The following METTL15 variants were observed in gnomAD, a reference collection of about 807,000 sequenced individuals.
METTL15 encodes the protein methyltransferase 15, mitochondrial 12S rRNA N4-cytidine.
A neutral mutation model predicts 38.3 loss-of-function variants in METTL15; 34 were observed. The ratio of observed to expected loss-of-function variants is 0.89; its 90% confidence interval spans 0.68 to 1.18. The LOEUF (loss-of-function observed/expected upper bound fraction) is 1.18, where lower values mean the gene tolerates loss of function less well. METTL15 is among the 50% of genes most tolerant of loss of function. The pLI, the probability that METTL15 is intolerant of heterozygous loss-of-function variation, is 0.00. For missense variants in METTL15, 438 were observed against 498.4 expected (o/e 0.88, Z 1.15); for synonymous variants, 162 against 170.9 (o/e 0.95, Z 0.41).
chr11:28,273,452 G>A (rs1476655839), intron 4 of METTL15, among the ~76,000 whole-genome samples: 1 of 151,996 alleles, frequency 6.6e-6, no homozygotes, highest in Non-Finnish European at 1.5e-5. Flanking sequence ...ACAAGGTAAT[G>A]TAGGGTTTGA....
intron 5 of METTL15, among the ~76,000 whole-genome samples, chr11:28,396,192 G>C (rs1850566619): frequency 6.6e-6 from 1 of 152,186 alleles, no homozygotes; most frequent in Admixed American, 6.6e-5. Context: ...ACAAGACAGG[G>C]ATGCCCTCTC....
At chr11:28,391,576 T>G (rs145491439) in intron 5 of METTL15, among the ~76,000 whole-genome samples, 2,478 of 152,226 alleles carry the variant, frequency 0.016, 68 homozygotes, top group African/African-American at 0.055. Flanking sequence ...ACTACAAGGC[T>G]ACAGTAACCA....
intron 4 of METTL15, among the ~76,000 whole-genome samples, chr11:28,234,986 G>A (rs1343998824): frequency 6.6e-6 from 1 of 151,342 alleles, no homozygotes; most frequent in African/African-American, 2.4e-5. Flanking sequence ...TTTTGTATAA[G>A]ATGTAAGGAA....
intron 4 of METTL15, among the ~76,000 whole-genome samples, chr11:28,288,515 A>G (rs1455116381): frequency 6.6e-6 from 1 of 152,188 alleles, no homozygotes; most frequent in East Asian, 1.9e-4. Flanking sequence ...CTTTGCAGGA[A>G]CATGGATGGA....
chr11:28,481,290 C>G (rs1022475363), intron 6 of METTL15, among the ~76,000 whole-genome samples: 2 of 152,134 alleles, frequency 1.3e-5, no homozygotes, highest in East Asian at 3.9e-4. Context: ...CCAGTGAAAC[C>G]CATTTTGGAC....
At chr11:28,391,878 G>A (rs1382469403) in intron 5 of METTL15, among the ~76,000 whole-genome samples, 4 of 152,088 alleles carry the variant, frequency 2.6e-5, no homozygotes, top group Non-Finnish European at 4.4e-5. Context: ...GAAAACCTAC[G>A]CAATACCATT....
chr11:28,517,180 A>G (rs1765523953), intron 6 of METTL15: 1 of 152,218 alleles, frequency 6.6e-6, no homozygotes. Context: ...ATGCCATGAA[A>G]CAAAGAAGCC....
intron 3 of METTL15, among the ~76,000 whole-genome samples, chr11:28,123,397 TCTC>T (rs764980542): frequency 6.6e-6 from 1 of 152,082 alleles, no homozygotes; most frequent in South Asian, 2.1e-4. Flanking sequence ...TCCACTGCCT[TCTC>T]CTCATGTAAC....
intron 6 of METTL15, among the ~76,000 whole-genome samples, chr11:28,470,400 G>A (rs978426680): frequency 3.3e-5 from 5 of 152,062 alleles, no homozygotes; most frequent in Admixed American, 6.6e-5. Flanking sequence ...GAATGTGAGC[G>A]GAAGTTATAT....
intron 5 of METTL15, among the ~76,000 whole-genome samples, chr11:28,390,081 T>C (rs1343243679): frequency 9.3e-5 from 14 of 151,184 alleles, no homozygotes; most frequent in African/African-American, 3.4e-4. Context: ...ATGGGGTTGT[T>C]TTTTTCTTGT....
At chr11:28,448,979 A>G (rs1358471190) in intron 6 of METTL15, among the ~76,000 whole-genome samples, 1 of 152,154 alleles carries the variant, frequency 6.6e-6, no homozygotes, top group Non-Finnish European at 1.5e-5. Context: ...TCTGAAGTAA[A>G]ATGCCTTAAA....
At chr11:28,386,303 T>C (rs1473536666) in intron 5 of METTL15, among the ~76,000 whole-genome samples, 3 of 151,904 alleles carry the variant, frequency 2.0e-5, no homozygotes, top group Non-Finnish European at 4.4e-5. Flanking sequence ...CCAGGCTGAA[T>C]GGATAAAAAC....
In METTL15 at chr11:28,403,824, GCAAGTTTT is replaced by G. The variant is rs527723140; in HGVS notation, c.*359-20473_*359-20466del. On this transcript the variant is annotated intron_variant and NMD_transcript_variant, in intron 5 of 7. Coordinates refer to the METTL15 transcript ENST00000532947. ...AACATATCATTAGGACATTTTTCTT[GCAAGTTTT>G]CTTTTTCCTCATGCATGGGCAGGGG... Among the ~76,000 whole-genome samples the G allele has an allele frequency of 3.3e-3, 497 of 152,136 alleles. 4 individuals carry two copies. The highest frequency in any genetic ancestry group is 3.3e-3 in the Non-Finnish European group (227 of 67,978).
chr11:28,242,397 G>T (rs576978105), intron 4 of METTL15, among the ~76,000 whole-genome samples: 25 of 152,232 alleles, frequency 1.6e-4, no homozygotes, highest in African/African-American at 6.0e-4. Flanking sequence ...CAAATGCATG[G>T]TTAGTATGCA....
chr11:28,490,881 T>C (rs551889132), intron 6 of METTL15, among the ~76,000 whole-genome samples: 10 of 152,256 alleles, frequency 6.6e-5, no homozygotes, highest in Admixed American at 5.9e-4. Flanking sequence ...ATTTGGGGCA[T>C]TGTATAAAGA....
At chr11:28,385,761 A>G (rs1212938298) in intron 5 of METTL15, among the ~76,000 whole-genome samples, 1 of 152,026 alleles carries the variant, frequency 6.6e-6, no homozygotes, top group Non-Finnish European at 1.5e-5. Flanking sequence ...TATTCATTCT[A>G]GCTGATGATA....
intron 4 of METTL15, among the ~76,000 whole-genome samples, chr11:28,246,968 A>G (rs749768044): frequency 3.3e-5 from 5 of 152,186 alleles, no homozygotes; most frequent in Non-Finnish European, 5.9e-5. Context: ...CAACTTTAGC[A>G]TATAAATTGC....
chr11:28,136,094 T>C (rs1160535267), intron 3 of METTL15, among the ~76,000 whole-genome samples: 1 of 152,226 alleles, frequency 6.6e-6, no homozygotes, highest in African/African-American at 2.4e-5. Flanking sequence ...GGATCAAAGC[T>C]AGACAACAAT....
At chr11:28,272,113 G>A (rs773913347) in intron 4 of METTL15, among the ~76,000 whole-genome samples, 5 of 152,204 alleles carry the variant, frequency 3.3e-5, no homozygotes, top group Admixed American at 6.5e-5. Flanking sequence ...CTCTTACACT[G>A]TTGGTGGGAA....
Sources: gnomAD v4.1 joint callset for allele counts (sites outside exome capture counted in the v4.1 genomes callset) on GRCh38, gnomAD v4.1.1 for gene constraint, MANE v1.5 for transcripts, NCBI Gene and HGNC (gene_info 2026-07-23, HGNC 2026-07-21) for gene names.